Variants in FAT3 observed in about 807,000 individuals in gnomAD.
The protein encoded by FAT3 is FAT atypical cadherin 3.
Under a neutral mutation model 310.2 loss-of-function variants are expected in FAT3, and 95 were observed. That is an observed-to-expected ratio of 0.31 (90% CI 0.26 to 0.36). The LOEUF (loss-of-function observed/expected upper bound fraction) is 0.36, where lower values mean the gene tolerates loss of function less well. Among genes scored for constraint, FAT3 ranks in the 10% least tolerant of loss-of-function variants. The pLI is 1.00. For synonymous variants in FAT3, 2,314 were observed against 2,192.9 expected, an observed-to-expected ratio of 1.06 and a Z score of -1.54; for missense variants, 5,408 against 5,715.6, an observed-to-expected ratio of 0.95 and a Z score of 1.74.
At chr11:92,472,732 G>C (rs929898309) in intron 2 of FAT3, among the ~76,000 whole-genome samples, 2 of 152,198 alleles carry the variant, frequency 1.3e-5, no homozygotes, top group African/African-American at 2.4e-5. Context: ...CGACATAGCT[G>C]TCATGGCCTC....
chr11:92,566,127 C>G (rs150467595), intron 3 of FAT3, among the ~76,000 whole-genome samples: 230 of 152,266 alleles, frequency 1.5e-3, no homozygotes, highest in African/African-American at 5.3e-3. Flanking sequence ...GATTGTGTAT[C>G]TAGAAAACCC....
rs75687669 is a variant in FAT3, at chr11:92,302,310, C to CTT, written c.-17-49778_-17-49777dup. On this transcript the variant is annotated intron_variant, in intron 1 of 27. Coordinates refer to ENST00000525166, the MANE Select transcript of FAT3 (RefSeq NM_001367949.2). The stretch of plus-strand genomic sequence containing the variant: ...ACCGAAGTTCTAAGGAAAAAATAGG[C>CTT]TTTTTTTTTCTGTAACATGGCTACA... Among the ~76,000 whole-genome samples the CTT allele has an allele frequency of 9.9e-5, 15 of 151,002 alleles. No individual in the cohort carries two copies. In the South Asian group the frequency reaches 2.7e-3, roughly 28 times the overall value.
At position 92,890,683 on chromosome 11, in the gene FAT3, G is replaced by A; in HGVS notation, c.13340G>A (p.Ser4447Asn). Residue 4447 changes from serine to asparagine, a missense_variant, in exon 28 of 28, where the codon AGT becomes AAT. Physicochemically the swap from Ser to Asn is conservative, Grantham distance 46. Around this residue, in one of 5 missense-constraint regions of FAT3, gnomAD observed 649 missense variants for 666.2 expected, o/e 0.97. Coordinates refer to ENST00000525166, the MANE Select transcript of FAT3 (RefSeq NM_001367949.2). ...YPPPHEEEFL[S>N]QDQLPPPLPE... Reference sequence around the variant, plus strand: ...CCCCCTCATGAAGAGGAGTTCTTGAGTCAGGACCAGCTGCCTCCTCCTCTC... The same window carrying A: ...CCCCCTCATGAAGAGGAGTTCTTGAATCAGGACCAGCTGCCTCCTCCTCTC... 6.2e-7 allele frequency: 1 copy of A among 1,613,698 alleles called. No homozygotes were observed. The highest frequency in any genetic ancestry group is 1.1e-5 in the South Asian group (1 of 91,000).
intron 1 of FAT3, among the ~76,000 whole-genome samples, chr11:92,346,294 G>A (rs963550392): frequency 6.6e-6 from 1 of 152,130 alleles, no homozygotes; most frequent in Non-Finnish European, 1.5e-5. Flanking sequence ...GAGAAATCTT[G>A]CTTGAACTCC....
rs373879923 is a variant in FAT3, at chr11:92,772,713, C to A, written c.4196-1328C>A. On this transcript the variant is annotated intron_variant, in intron 6 of 27. Transcript: ENST00000525166. Reference sequence around the variant, plus strand: ...AATGTCAAGGGCAATTATATTCTCTCTTGCAATTAAATAATCTTAAGTGTA... The same window carrying A: ...AATGTCAAGGGCAATTATATTCTCTATTGCAATTAAATAATCTTAAGTGTA... Among the ~76,000 whole-genome samples, 28 of 152,256 alleles carry A rather than the reference C, an allele frequency of 1.8e-4. No homozygotes were observed. The East Asian group carries it at 5.4e-3, about 29-fold the overall frequency.
chr11:92,638,084 A>G (rs1941832417), intron 3 of FAT3, among the ~76,000 whole-genome samples: 1 of 152,190 alleles, frequency 6.6e-6, no homozygotes, highest in African/African-American at 2.4e-5. Flanking sequence ...GAATGTCACT[A>G]TATGCATTTT....
At chr11:92,510,373 C>G (rs748477814) in intron 2 of FAT3, among the ~76,000 whole-genome samples, 1 of 152,164 alleles carries the variant, frequency 6.6e-6, no homozygotes, top group East Asian at 1.9e-4. Context: ...CAAATTAGCA[C>G]CCACCAGAGA....
chr11:92,735,543 G>A (rs1211856519), intron 4 of FAT3, among the ~76,000 whole-genome samples: 1 of 149,614 alleles, frequency 6.7e-6, no homozygotes, highest in Admixed American at 6.8e-5. Context: ...TGACTAGAAG[G>A]ATGGATGGAT....
intron 1 of FAT3, among the ~76,000 whole-genome samples, chr11:92,236,848 C>T (rs968866698): frequency 6.6e-6 from 1 of 152,052 alleles, no homozygotes; most frequent in African/African-American, 2.4e-5. Context: ...TTTGGAGATC[C>T]TTTTTTCATG....
Position 92,353,842 on chromosome 11 carries a change from T to G in FAT3, c.1730T>G (p.Leu577Arg). 1 of 1,613,732 alleles carries G rather than the reference T, an allele frequency of 6.2e-7. No individual in the cohort carries two copies. Among genetic ancestry groups the G allele is most frequent in the Non-Finnish European group, 8.5e-7 (1 of 1,179,786 alleles). Reference protein sequence around the residue: ...RIGNVNDNSPLFEKVACQGVI... With the variant: ...RIGNVNDNSPRFEKVACQGVI... Reference sequence around the variant, plus strand: ...GGAAATGTCAACGACAACAGCCCTCTCTTTGAAAAAGTGGCTTGCCAGGGA... The same window carrying G: ...GGAAATGTCAACGACAACAGCCCTCGCTTTGAAAAAGTGGCTTGCCAGGGA... The change falls in exon 2 of 28, where the codon CTC (leucine) becomes CGC (arginine). Residue 577 changes from leucine to arginine, a missense_variant. Physicochemically the swap from Leu to Arg is moderately radical, Grantham distance 102 (BLOSUM62 -2). This residue lies in a region of FAT3 where 4,588 missense variants were observed against 4,809.8 expected (regional missense o/e 0.95). Transcript: ENST00000525166.
chr11:92,889,812 T>A (rs1207913807), intron 26 of FAT3, 44 bp from the exon 27 acceptor site: 1 of 717,576 alleles, frequency 1.4e-6, no homozygotes, highest in Non-Finnish European at 2.6e-6. Flanking sequence ...CCTCTTCACA[T>A]GGTTTGGACT....
At chr11:92,313,455 C>A (rs1947358636) in intron 1 of FAT3, among the ~76,000 whole-genome samples, 1 of 152,196 alleles carries the variant, frequency 6.6e-6, no homozygotes, top group Admixed American at 6.5e-5. Flanking sequence ...AACAATTTAA[C>A]ACATATAAAA....
At chr11:92,810,135 C>A (rs1947629274) in intron 13 of FAT3, 59 bp downstream of exon 13, 1 of 1,476,634 alleles carries the variant, frequency 6.8e-7, no homozygotes, top group Non-Finnish European at 9.3e-7. Context: ...TCAGGTGCTG[C>A]CATTCCTTTA....
chr11:92,834,900 A>G lies in FAT3; in HGVS notation c.9902A>G (p.Tyr3301Cys). ...ATTTCTGTCTCTGAAGTCCTGGACT[A>G]TGAATTATGCAAAAGGTTTTACCTG... is the stretch of plus-strand genomic sequence containing the variant. Reference protein sequence around the residue: ...GGISVSEVLDYELCKRFYLVV... With the variant: ...GGISVSEVLDCELCKRFYLVV... The change falls in exon 15 of 28, where the codon TAT becomes TGT. Residue 3301 changes from tyrosine (Y) to cysteine (C), a missense_variant. By Grantham distance (194) the Tyr-to-Cys change is radical (BLOSUM62 -2). Transcript: ENST00000525166. 2 of 1,612,322 alleles carry G rather than the reference A, an allele frequency of 1.2e-6. No individual in the cohort carries two copies. Among genetic ancestry groups the G allele is most frequent in the Non-Finnish European group, 8.5e-7 (1 of 1,179,198 alleles).
intron 2 of FAT3, among the ~76,000 whole-genome samples, chr11:92,519,544 T>C (rs549559582): frequency 6.6e-6 from 1 of 152,092 alleles, no homozygotes; most frequent in African/African-American, 2.4e-5. Flanking sequence ...TATGAAAATA[T>C]AAGATTTTTA....
intron 2 of FAT3, among the ~76,000 whole-genome samples, chr11:92,444,661 G>A (rs1215551566): frequency 7.3e-6 from 1 of 136,574 alleles, no homozygotes; most frequent in Non-Finnish European, 1.5e-5. Flanking sequence ...GATATTACTG[G>A]GGGGGGGGGA....
At chr11:92,563,939 A>C (rs1049587509) in intron 3 of FAT3, among the ~76,000 whole-genome samples, 3 of 152,162 alleles carry the variant, frequency 2.0e-5, no homozygotes, top group African/African-American at 7.2e-5. Flanking sequence ...ATCATGCCAA[A>C]ATGTAAAGAC....
chr11:92,471,914 GCTAT>G lies in FAT3; in HGVS notation c.3293-52719_3293-52716del, dbSNP rs1228310679. On this transcript the variant is annotated intron_variant, in intron 2 of 27. Transcript: ENST00000525166. The stretch of plus-strand genomic sequence containing the variant: ...CTTCAAAAGACCCTACTTTTCATAT[GCTAT>G]ATATATATATATATATATATATATA... Among the ~76,000 whole-genome samples the G allele has an allele frequency of 9.3e-3, 584 of 62,896 alleles. 3 individuals carry two copies. The highest frequency in any genetic ancestry group is 0.032 in the Middle Eastern group (3 of 94). The allele number at this position is 62,896 out of a possible 152,430, so 41.3% of individuals were successfully genotyped here. A position where few individuals can be genotyped will look rare whatever the true frequency, so the allele number is the denominator to read the frequency against.
chr11:92,247,898 G>A (rs1864986415), intron 1 of FAT3, among the ~76,000 whole-genome samples: 1 of 152,008 alleles, frequency 6.6e-6, no homozygotes, highest in African/African-American at 2.4e-5. Flanking sequence ...GAGTCCAGGA[G>A]TTTGAGGCTG....
Sources: gnomAD v4.1 joint callset for allele counts (sites outside exome capture counted in the v4.1 genomes callset) on GRCh38, gnomAD v4.1.1 for gene constraint, gnomAD v4.1.1 regional missense constraint, MANE v1.5 for transcripts, NCBI Gene and HGNC (gene_info 2026-07-23, HGNC 2026-07-21) for gene names.